The following PDZD8 variants were observed in gnomAD, a reference collection of about 807,000 sequenced individuals.
The protein encoded by PDZD8 is PDZ domain containing 8.
PDZD8 carries 14 observed loss-of-function variants against 85.8 expected under a neutral mutation model. The observed-to-expected ratio is 0.16, with a 90% CI of 0.11 to 0.26. The LOEUF (loss-of-function observed/expected upper bound fraction) is 0.26. Among genes scored for constraint, PDZD8 ranks in the 10% least tolerant of loss-of-function variants. The pLI, the probability that PDZD8 is intolerant of heterozygous loss-of-function variation, is 1.00. For synonymous variants in PDZD8, 592 were observed against 568.6 expected (o/e 1.04, Z -0.59); for missense variants, 1,197 against 1,424.3 (o/e 0.84, Z 2.57).
chr10:117,312,775 C>A (rs1844060568), intron 3 of PDZD8, among the ~76,000 whole-genome samples: 1 of 152,112 alleles, frequency 6.6e-6, no homozygotes, highest in East Asian at 1.9e-4. Context: ...TTTTCCCATC[C>A]ATTTATCTTT....
At chr10:117,296,317 C>T (rs905234412) in intron 3 of PDZD8, among the ~76,000 whole-genome samples, 3 of 151,918 alleles carry the variant, frequency 2.0e-5, no homozygotes, top group African/African-American at 7.3e-5. Context: ...TTGCAAATTA[C>T]AATATACTGC....
intron 2 of PDZD8, among the ~76,000 whole-genome samples, chr10:117,339,162 A>G (rs1260562819): frequency 6.7e-6 from 1 of 149,574 alleles, no homozygotes; most frequent in Non-Finnish European, 1.5e-5. Context: ...AGGATTAAGT[A>G]TATTATTAGT....
chr10:117,366,183 T>C (rs1242330720), intron 1 of PDZD8, among the ~76,000 whole-genome samples: 1 of 152,202 alleles, frequency 6.6e-6, no homozygotes, highest in Non-Finnish European at 1.5e-5. Flanking sequence ...AAGTGGTTAA[T>C]ATTGATTTCA....
At chr10:117,287,137 T>A (rs575003999) in intron 4 of PDZD8, among the ~76,000 whole-genome samples, 1 of 152,352 alleles carries the variant, frequency 6.6e-6, no homozygotes, top group South Asian at 2.1e-4. Context: ...GTATACTTAC[T>A]TTGGATCCAA....
chr10:117,297,255 C>T (rs986663189), intron 3 of PDZD8, among the ~76,000 whole-genome samples: 1 of 152,074 alleles, frequency 6.6e-6, no homozygotes, highest in Non-Finnish European at 1.5e-5. Flanking sequence ...TAAAGGTGGA[C>T]AATACCAACT....
intron 3 of PDZD8, among the ~76,000 whole-genome samples, chr10:117,296,551 C>T (rs1364291671): frequency 6.6e-6 from 1 of 152,066 alleles, no homozygotes; most frequent in Admixed American, 6.6e-5. Flanking sequence ...TCTTACACTA[C>T]CTGATTTCAA....
At chr10:117,329,125 G>A (rs537022875) in intron 2 of PDZD8, among the ~76,000 whole-genome samples, 3 of 152,220 alleles carry the variant, frequency 2.0e-5, no homozygotes, top group Admixed American at 2.0e-4. Context: ...ATAATGACCA[G>A]AAGCAAGCAG....
At chr10:117,308,395 G>A (rs546462652) in intron 3 of PDZD8, among the ~76,000 whole-genome samples, 1 of 152,226 alleles carries the variant, frequency 6.6e-6, no homozygotes, top group African/African-American at 2.4e-5. Context: ...ATAAAAGGGA[G>A]TGAGTGTAGG....
Position 117,284,345 on chromosome 10 carries a change from C to A in PDZD8, c.2388G>T (p.Leu796Phe). 2 of 1,614,130 alleles carry A rather than the reference C, an allele frequency of 1.2e-6. No homozygotes were observed. The highest frequency in any genetic ancestry group is 1.1e-5 in the South Asian group (1 of 91,074). Residue 796 changes from leucine to phenylalanine, a missense_variant, in exon 5 of 5, where the codon TTG (leucine) becomes TTT (phenylalanine). Around this residue, in one of 4 missense-constraint regions of PDZD8, gnomAD observed 418 missense variants for 571.1 expected, o/e 0.73. Transcript: ENST00000334464. The part of the protein sequence containing the change: ...YGDITIHFKY[L>F]KEGESDHHVV... The stretch of plus-strand genomic sequence containing the variant: ...CATGGTGGTCTGATTCTCCTTCTTT[C>A]AAATATTTGAAGTGAATAGTAATGT...
At position 117,318,858 on chromosome 10, in the gene PDZD8, T is replaced by C. The variant is rs769884193; in HGVS notation, c.1098+14A>G. 2.6e-6 allele frequency: 4 copies of C among 1,523,578 alleles called. No homozygotes were observed. In the Admixed American group the frequency reaches 6.7e-5, roughly 26 times the overall value. 94.4% of individuals were successfully genotyped at this position (1,523,578 alleles called of 1,614,324 possible). A position where few individuals can be genotyped will look rare whatever the true frequency, so the allele number is the denominator to read the frequency against. On this transcript the variant is annotated intron_variant, in intron 3 of 4. Transcript: ENST00000334464. ...AACTTTATATAGATATAAATCACTG[T>C]AAATCCATTTTACCGTCTTAATAGA...
chr10:117,367,901 C>T (rs75093607), intron 1 of PDZD8, among the ~76,000 whole-genome samples: 5 of 149,888 alleles, frequency 3.3e-5, no homozygotes, highest in East Asian at 3.9e-4. Flanking sequence ...GCCTGGGCAA[C>T]GAGAGAGGAA....
At chr10:117,334,107 T>C (rs941143909) in intron 2 of PDZD8, among the ~76,000 whole-genome samples, 2 of 152,176 alleles carry the variant, frequency 1.3e-5, no homozygotes, top group Non-Finnish European at 2.9e-5. Context: ...ATAAACAAAA[T>C]TTTTTATCAC....
chr10:117,293,670 C>T (rs1020055890), intron 3 of PDZD8, among the ~76,000 whole-genome samples: 2 of 152,044 alleles, frequency 1.3e-5, no homozygotes, highest in East Asian at 1.9e-4. Context: ...ACCAATATAA[C>T]TAGAAAAAAA....
At chr10:117,343,265 A>C (rs899673664) in intron 1 of PDZD8, among the ~76,000 whole-genome samples, 2 of 152,232 alleles carry the variant, frequency 1.3e-5, no homozygotes, top group African/African-American at 4.8e-5. Flanking sequence ...AGATTAAAGA[A>C]AAAAATTTTA....
intron 2 of PDZD8, among the ~76,000 whole-genome samples, chr10:117,325,330 C>T (rs1844296263): frequency 6.6e-6 from 1 of 151,138 alleles, no homozygotes; most frequent in Non-Finnish European, 1.5e-5. Flanking sequence ...GGTTTGGCTT[C>T]ACAGCCTTGA....
chr10:117,307,354 G>A lies in PDZD8; in HGVS notation c.1098+11518C>T, dbSNP rs1843961388. On this transcript the variant is annotated intron_variant, in intron 3 of 4. Coordinates refer to ENST00000334464, the MANE Select transcript of PDZD8 (RefSeq NM_173791.5). The stretch of plus-strand genomic sequence containing the variant: ...TGCAAGTTTCTGCAAACAAATGAGT[G>A]TATCATCACAAAAATTAAAAATCTG... Among the ~76,000 whole-genome samples the A allele has an allele frequency of 2.0e-5, 3 of 151,844 alleles. No individual in the cohort carries two copies. In the South Asian group the frequency reaches 6.2e-4, roughly 31 times the overall value.
chr10:117,325,014 C>T (rs957181402), intron 2 of PDZD8, among the ~76,000 whole-genome samples: 2 of 152,070 alleles, frequency 1.3e-5, no homozygotes, highest in East Asian at 1.9e-4. Context: ...TAAAAGGACA[C>T]AGTTGGAAAC....
intron 1 of PDZD8, among the ~76,000 whole-genome samples, chr10:117,360,592 T>C (rs117635123): frequency 1.4e-3 from 219 of 152,190 alleles, no homozygotes; most frequent in Non-Finnish European, 2.5e-3. Context: ...AAACATTATT[T>C]GACAAAAGAG....
rs570776905 is a variant in PDZD8 at position 117,288,654 on chromosome 10, G to A, written c.1261+1532C>T. On this transcript the variant is annotated intron_variant, in intron 4 of 4. Coordinates refer to ENST00000334464, the MANE Select transcript of PDZD8 (RefSeq NM_173791.5). ...CTCCTGAGTAGCTGGGATTACAGGC[G>A]CCTGCCACCATGCCCAGCTAATTTT... is the stretch of plus-strand genomic sequence containing the variant. Among the ~76,000 whole-genome samples, 18 of 152,098 alleles carry A rather than the reference G, an allele frequency of 1.2e-4. No individual in the cohort carries two copies. The East Asian group carries it at 2.9e-3, about 25-fold the overall frequency.
Sources: allele counts gnomAD v4.1 joint callset (sites outside exome capture counted in the v4.1 genomes callset), GRCh38; gene constraint gnomAD v4.1.1; regional missense constraint gnomAD v4.1.1; transcripts MANE v1.5; gene names NCBI Gene and HGNC (gene_info 2026-07-23, HGNC 2026-07-21).